The following MPPED1 variants were observed in gnomAD, a reference collection of about 807,000 sequenced individuals.
The protein encoded by MPPED1 is metallophosphoesterase domain containing 1.
In MPPED1, 16 loss-of-function variants were observed where a neutral mutation model predicts 36.2. The observed-to-expected ratio is 0.44, with a 90% CI of 0.30 to 0.67. MPPED1 has a LOEUF of 0.67. Ranked by LOEUF, MPPED1 falls within the 30% of genes least tolerant of loss-of-function variation. MPPED1 has a pLI of 0.10. For synonymous variants in MPPED1, 199 were observed against 191.3 expected (o/e 1.04, Z -0.33); for missense variants, 307 against 453.4 (o/e 0.68, Z 2.93).
At chr22:43,438,135 G>C (rs534459208) in intron 3 of MPPED1, among the ~76,000 whole-genome samples, 65 of 152,324 alleles carry the variant, frequency 4.3e-4, no homozygotes, top group African/African-American at 1.5e-3. Context: ...TGATGCGAGG[G>C]GACGGTGGCT....
chr22:43,503,036 G>A (rs368233147), intron 6 of MPPED1, among the ~76,000 whole-genome samples: 3 of 152,274 alleles, frequency 2.0e-5, no homozygotes, highest in South Asian at 4.1e-4. Context: ...GGAAGCCGTC[G>A]GGAGGTGGGC....
intron 2 of MPPED1, 133 bp from the exon 3 acceptor site, chr22:43,434,901 T>G: frequency 1.0e-6 from 1 of 958,282 alleles, no homozygotes; most frequent in Non-Finnish European, 1.6e-6. Flanking sequence ...AGGCTGGGCG[T>G]CCAGTCCCTG....
At chr22:43,475,508 C>G (rs62231996) in intron 4 of MPPED1, among the ~76,000 whole-genome samples, 60 of 564 alleles carry the variant, frequency 0.11, no homozygotes, top group East Asian at 0.19. Context: ...TGATGATCAT[C>G]ATGATGATGG....
intron 3 of MPPED1, among the ~76,000 whole-genome samples, chr22:43,450,188 G>A (rs1255973696): frequency 6.6e-6 from 1 of 152,230 alleles, no homozygotes; most frequent in East Asian, 1.9e-4. Context: ...CTGGGTTTCA[G>A]AGGGAGCCAT....
At chr22:43,447,389 C>T (rs1228461077) in intron 3 of MPPED1, among the ~76,000 whole-genome samples, 3 of 151,956 alleles carry the variant, frequency 2.0e-5, no homozygotes, top group Non-Finnish European at 4.4e-5. Context: ...ATGAACAAGC[C>T]AGAAAATCCT....
At chr22:43,412,599 C>T (rs1455676271) in intron 1 of MPPED1, among the ~76,000 whole-genome samples, 1 of 152,094 alleles carries the variant, frequency 6.6e-6, no homozygotes, top group East Asian at 1.9e-4. Flanking sequence ...GAACGCTGGC[C>T]GAGTGGCCAC....
intron 3 of MPPED1, among the ~76,000 whole-genome samples, chr22:43,452,474 A>G (rs979002207): frequency 3.3e-5 from 5 of 152,238 alleles, no homozygotes; most frequent in African/African-American, 7.2e-5. Flanking sequence ...CCACAGAGGA[A>G]GGGACTGTAG....
rs1167082664 is a variant in MPPED1, at chr22:43,424,953, G to A, written c.-33G>A. On this transcript the variant is annotated 5_prime_UTR_variant, in exon 2 of 7. Transcript: ENST00000443721. ...GGGGCCGGGCTGCGGTGGCGGCAGC[G>A]GTGGGAGATGCCGGGGCGGCCGGCG... is the stretch of plus-strand genomic sequence containing the variant. 9.7e-6 allele frequency: 15 copies of A among 1,552,722 alleles called. No individual in the cohort carries two copies. Among genetic ancestry groups the A allele is most frequent in the Middle Eastern group, 1.7e-4 (1 of 5,874 alleles).
intron 3 of MPPED1, among the ~76,000 whole-genome samples, chr22:43,457,404 C>A (rs1930791946): frequency 6.6e-6 from 1 of 152,058 alleles, no homozygotes; most frequent in Non-Finnish European, 1.5e-5. Context: ...TTCTTTGGAT[C>A]TAAAGTGTGT....
At chr22:43,498,740 C>A (rs1312491093) in intron 5 of MPPED1, among the ~76,000 whole-genome samples, 2 of 152,032 alleles carry the variant, frequency 1.3e-5, no homozygotes, top group Non-Finnish European at 2.9e-5. Context: ...CTTCCTCACC[C>A]CCACCCAGCC....
chr22:43,495,098 A>C (rs1040048700), intron 4 of MPPED1, among the ~76,000 whole-genome samples: 6 of 151,684 alleles, frequency 4.0e-5, no homozygotes, highest in Non-Finnish European at 7.4e-5. Context: ...CATAGCAATG[A>C]TTGAGGTAGT....
At chr22:43,480,831 T>C (rs1029781680) in intron 4 of MPPED1, among the ~76,000 whole-genome samples, 4 of 151,062 alleles carry the variant, frequency 2.6e-5, no homozygotes, top group African/African-American at 9.7e-5. Flanking sequence ...CTTTTCTTTT[T>C]TTTTTTTTTT....
intron 1 of MPPED1, among the ~76,000 whole-genome samples, chr22:43,419,957 C>T (rs977660707): frequency 2.6e-5 from 4 of 152,058 alleles, no homozygotes; most frequent in African/African-American, 7.3e-5. Context: ...AAAGAGAAAC[C>T]ATCTGATAAG....
At chr22:43,430,675 T>G (rs1929644272) in intron 2 of MPPED1, among the ~76,000 whole-genome samples, 2 of 152,172 alleles carry the variant, frequency 1.3e-5, no homozygotes, top group Admixed American at 6.5e-5. Flanking sequence ...AAGAAGCCTT[T>G]GCTTCCACGT....
chr22:43,447,220 CTGGTTGGTTGTTCAGAAG>C (rs1033235190), intron 3 of MPPED1, among the ~76,000 whole-genome samples: 1 of 152,132 alleles, frequency 6.6e-6, no homozygotes, highest in African/African-American at 2.4e-5. Flanking sequence ...GGAGAAATTG[CTGGTTGGTTGTTCAGAAG>C]TTGGTGGAAG....
Position 43,505,851 on chromosome 22 carries a change from G to C in MPPED1, c.*235G>C. The C allele has an allele frequency of 2.0e-6, 1 of 500,808 alleles. No individual in the cohort carries two copies. The highest frequency in any genetic ancestry group is 3.6e-6 in the Non-Finnish European group (1 of 280,724). 31.0% of individuals were successfully genotyped at this position (500,808 alleles called of 1,614,324 possible). On this transcript the variant is annotated 3_prime_UTR_variant, in exon 7 of 7. Coordinates refer to ENST00000443721, the MANE Select transcript of MPPED1 (RefSeq NM_001044370.2). Reference sequence around the variant, plus strand: ...TACTTTTTCTGCGTGTACATCCTGCGTGTACCTCGTTAAAGGACCTACTAA... The same window carrying C: ...TACTTTTTCTGCGTGTACATCCTGCCTGTACCTCGTTAAAGGACCTACTAA...
intron 6 of MPPED1, among the ~76,000 whole-genome samples, chr22:43,503,972 G>A (rs1268891956): frequency 6.6e-6 from 1 of 152,204 alleles, no homozygotes; most frequent in Non-Finnish European, 1.5e-5. Flanking sequence ...GGATGAGGGG[G>A]ATTCTACCAA....
At chr22:43,472,679 C>A (rs1365785281) in intron 3 of MPPED1, among the ~76,000 whole-genome samples, 1 of 152,216 alleles carries the variant, frequency 6.6e-6, no homozygotes, top group African/African-American at 2.4e-5. Context: ...GGATTTTCTG[C>A]CTGTTCTGAA....
chr22:43,417,987 T>A, intron 1 of MPPED1: 1 of 451,924 alleles, frequency 2.2e-6, no homozygotes, highest in Non-Finnish European at 4.5e-6. Flanking sequence ...AAGCTTCTCA[T>A]GCTTAATAAG....
Sources: gnomAD v4.1 joint callset for allele counts (sites outside exome capture counted in the v4.1 genomes callset) on GRCh38, gnomAD v4.1.1 for gene constraint, MANE v1.5 for transcripts, NCBI Gene and HGNC (gene_info 2026-07-23, HGNC 2026-07-21) for gene names.